GLRB: variants seen among roughly 807,000 people sequenced by gnomAD.
GLRB encodes glycine receptor subunit beta.
A neutral mutation model predicts 54.2 loss-of-function variants in GLRB; 33 were observed. That is an observed-to-expected ratio of 0.61 (90% CI 0.46 to 0.81). The LOEUF (loss-of-function observed/expected upper bound fraction) is 0.81. Ranked by LOEUF, GLRB falls within the 40% of genes least tolerant of loss-of-function variation. The pLI, the probability that GLRB is intolerant of heterozygous loss-of-function variation, is 0.00. For missense variants in GLRB, 572 were observed against 584.6 expected, an observed-to-expected ratio of 0.98 and a Z score of 0.22; for synonymous variants, 209 against 208.2, an observed-to-expected ratio of 1.00 and a Z score of -0.03.
chr4:157,084,701 TTCAG>T (rs1734344879), intron 2 of GLRB: 1 of 456,112 alleles, frequency 2.2e-6, no homozygotes, highest in Admixed American at 2.4e-5. Flanking sequence ...ATTTTCATAC[TTCAG>T]TCTGTATGTA....
intron 2 of GLRB, among the ~76,000 whole-genome samples, chr4:157,108,132 C>T (rs1735289522): frequency 6.6e-6 from 1 of 152,224 alleles, no homozygotes; most frequent in Admixed American, 6.5e-5. Flanking sequence ...GACAATGCAC[C>T]TGGTCACCCA....
At chr4:157,076,420 G>A (rs1734032007) in intron 1 of GLRB, 123 bp downstream of exon 1, 2 of 151,604 alleles carry the variant, frequency 1.3e-5, no homozygotes, top group Non-Finnish European at 2.9e-5. Flanking sequence ...CGGAGCGCGA[G>A]GAGCACTGCG....
intron 2 of GLRB, among the ~76,000 whole-genome samples, chr4:157,085,913 A>G (rs760532577): frequency 2.0e-5 from 3 of 152,036 alleles, no homozygotes; most frequent in Non-Finnish European, 2.9e-5. Flanking sequence ...CCTAACTTAT[A>G]TTTCTAAATT....
chr4:157,164,153 T>C (rs370276614), intron 9 of GLRB, among the ~76,000 whole-genome samples: 1 of 152,150 alleles, frequency 6.6e-6, no homozygotes, highest in East Asian at 1.9e-4. Flanking sequence ...TATTTTTTTT[T>C]TTTGTCTCTG....
At chr4:157,112,874 G>T (rs915897011) in intron 2 of GLRB, among the ~76,000 whole-genome samples, 1 of 151,962 alleles carries the variant, frequency 6.6e-6, no homozygotes, top group Non-Finnish European at 1.5e-5. Flanking sequence ...TCCTGGAGGG[G>T]TGACCTTGAT....
chr4:157,084,309 T>C (rs1361515347), intron 2 of GLRB, among the ~76,000 whole-genome samples: 2 of 152,186 alleles, frequency 1.3e-5, no homozygotes, highest in African/African-American at 4.8e-5. Context: ...TAGCTTACAG[T>C]AAGTGAAACT....
At chr4:157,094,629 G>C (rs913968083) in intron 2 of GLRB, among the ~76,000 whole-genome samples, 1 of 152,178 alleles carries the variant, frequency 6.6e-6, no homozygotes, top group Non-Finnish European at 1.5e-5. Context: ...TGTAAAAGTG[G>C]TCAACTTCAT....
At chr4:157,134,221 A>G (rs1443207196) in intron 4 of GLRB, among the ~76,000 whole-genome samples, 4 of 152,106 alleles carry the variant, frequency 2.6e-5, no homozygotes, top group Admixed American at 6.6e-5. Context: ...GCAGCCAACC[A>G]GTATACATTC....
At chr4:157,127,033 T>C (rs1266810030) in intron 4 of GLRB, among the ~76,000 whole-genome samples, 1 of 151,850 alleles carries the variant, frequency 6.6e-6, no homozygotes, top group African/African-American at 2.4e-5. Flanking sequence ...CAACTCCTTT[T>C]GGGAAACACA....
chr4:157,155,372 C>T (rs1040479797), intron 9 of GLRB, among the ~76,000 whole-genome samples: 13 of 152,248 alleles, frequency 8.5e-5, no homozygotes, highest in Admixed American at 8.5e-4. Context: ...CTCAAGTGAT[C>T]CACCTGCTTC....
At chr4:157,109,863 C>T (rs983748224) in intron 2 of GLRB, among the ~76,000 whole-genome samples, 1 of 152,022 alleles carries the variant, frequency 6.6e-6, no homozygotes, top group East Asian at 1.9e-4. Flanking sequence ...AGAATATGCA[C>T]AGAACGAGGC....
At chr4:157,105,390 T>A (rs1735186084) in intron 2 of GLRB, among the ~76,000 whole-genome samples, 1 of 152,116 alleles carries the variant, frequency 6.6e-6, no homozygotes, top group Non-Finnish European at 1.5e-5. Context: ...AGATACTTTA[T>A]GTAATTTCAA....
intron 8 of GLRB, 122 bp downstream of exon 8, chr4:157,144,081 T>C: frequency 2.0e-6 from 2 of 1,001,094 alleles, no homozygotes; most frequent in South Asian, 2.6e-5. Flanking sequence ...TTTCGGTGTT[T>C]AAAGACTTTC....
rs2880692 is a variant in GLRB at position 157,077,123 on chromosome 4, G to A, written c.-30+826G>A. 7.8e-3 allele frequency among the ~76,000 whole-genome samples: 1,181 copies of A among 152,182 alleles called. 23 individuals are homozygous for A. In the East Asian group the frequency reaches 0.1, roughly 13 times the overall value. ...AAACAATTTATGGTTTGGAAATGAAGGTTGCAGAAGAGTTTGAACTTCTCT... is the reference window on the plus strand; with the variant it reads ...AAACAATTTATGGTTTGGAAATGAAAGTTGCAGAAGAGTTTGAACTTCTCT... On this transcript the variant is annotated intron_variant, in intron 1 of 9. Coordinates refer to ENST00000264428, the MANE Select transcript of GLRB (RefSeq NM_000824.5).
intron 1 of GLRB, among the ~76,000 whole-genome samples, chr4:157,076,967 A>G (rs928231054): frequency 8.1e-5 from 2 of 24,578 alleles, no homozygotes; most frequent in Non-Finnish European, 1.4e-4. Flanking sequence ...TGGGGGGAAG[A>G]ATCCTGGGGG....
chr4:157,077,965 A>C (rs1403215709), intron 1 of GLRB, 31 bp from the exon 2 acceptor site: 1 of 1,459,362 alleles, frequency 6.9e-7, no homozygotes, highest in Admixed American at 1.8e-5. Context: ...TTTCTTCATA[A>C]ATGTAAACAT....
At chr4:157,088,490 C>T (rs1182201497) in intron 2 of GLRB, among the ~76,000 whole-genome samples, 4 of 152,038 alleles carry the variant, frequency 2.6e-5, no homozygotes, top group African/African-American at 9.7e-5. Flanking sequence ...CTTTTCCTTA[C>T]CCCTCAGAGG....
intron 2 of GLRB, among the ~76,000 whole-genome samples, chr4:157,108,800 G>A (rs112326171): frequency 3.4e-4 from 51 of 152,150 alleles, no homozygotes; most frequent in African/African-American, 1.2e-3. Flanking sequence ...AAACAGCACT[G>A]CATGTTAAAG....
Position 157,170,757 on chromosome 4 carries a change from A to T in GLRB, c.*29A>T. 7.8e-7 allele frequency: 1 copy of T among 1,278,916 alleles called. No homozygotes were observed. Among genetic ancestry groups the T allele is most frequent in the Non-Finnish European group, 1.1e-6 (1 of 932,350 alleles). The allele number at this position is 1,278,916 out of a possible 1,614,324, so 79.2% of individuals were successfully genotyped here. On this transcript the variant is annotated 3_prime_UTR_variant, in exon 10 of 10. Coordinates refer to ENST00000264428, the MANE Select transcript of GLRB (RefSeq NM_000824.5). ...ATCTTTTCCATTTGTACAAAATAAA[A>T]TTCCATTTCATTGTGACCTACTCCT...
Sources: allele counts gnomAD v4.1 joint callset (sites outside exome capture counted in the v4.1 genomes callset), GRCh38; gene constraint gnomAD v4.1.1; transcripts MANE v1.5; gene names NCBI Gene and HGNC (gene_info 2026-07-23, HGNC 2026-07-21).